Variants in ZNF121 observed in about 807,000 individuals in gnomAD.
ZNF121 encodes zinc finger protein 121 (clone ZHC32).
A neutral mutation model predicts 2.4 loss-of-function variants in ZNF121; 1 was observed. That is an observed-to-expected ratio of 0.41 (90% CI 0.15 to 1.94). ZNF121 has a LOEUF of 1.94. Among genes scored for constraint, ZNF121 ranks in the 30% most tolerant of loss-of-function variants. The probability of loss-of-function intolerance (pLI) is 0.30; values close to 1 mark genes in which losing one functional copy is unlikely to be tolerated. For synonymous variants in ZNF121, 173 were observed against 158.6 expected (o/e 1.09, Z -0.68); for missense variants, 369 against 466.3 (o/e 0.79, Z 1.92).
At chr19:9,567,862 G>T in intron 3 of ZNF121, 1 of 413,980 alleles carries the variant, frequency 2.4e-6, no homozygotes, top group South Asian at 4.3e-5. Flanking sequence ...TACAAGCGAT[G>T]GGGAATGGCT....
Position 9,566,049 on chromosome 19 carries a change from A to G in ZNF121, c.1064T>C (p.Leu355Pro), listed in dbSNP as rs1451965977. The change falls in exon 4 of 4, where the codon CTA becomes CCA. Residue 355 changes from leucine to proline, a missense_variant. By Grantham distance (98) the Leu-to-Pro change is moderately conservative (BLOSUM62 -3). Around this residue, in one of 4 missense-constraint regions of ZNF121, gnomAD observed 127 missense variants for 169.9 expected, o/e 0.75. Transcript: ENST00000320451. ...CGKTFRASSH[L>P]QKHVRIHTGE... ...AGTGTGAATTCTAACATGTTTCTGT[A>G]GATGTGAAGAAGCACGGAAGGTTTT... 2 of 1,613,846 alleles carry G rather than the reference A, an allele frequency of 1.2e-6. No individual in the cohort carries two copies. Among genetic ancestry groups the G allele is most frequent in the East Asian group, 2.2e-5 (1 of 44,840 alleles).
intron 1 of ZNF121, among the ~76,000 whole-genome samples, chr19:9,570,237 C>T (rs1320234577): frequency 6.6e-6 from 1 of 152,074 alleles, no homozygotes; most frequent in African/African-American, 2.4e-5. Context: ...TTCTTTAGGA[C>T]ACCCCTGAAA....
intron 1 of ZNF121, among the ~76,000 whole-genome samples, chr19:9,573,359 T>C (rs1011264784): frequency 1.3e-5 from 2 of 152,098 alleles, no homozygotes; most frequent in Non-Finnish European, 2.9e-5. Context: ...AACTGAGAAA[T>C]ACTCAACTCA....
rs2074117726 is a variant in ZNF121 at position 9,564,517 on chromosome 19, G to C, written c.*1423C>G. The C allele has an allele frequency of 6.6e-6, 1 of 152,188 alleles. No individual in the cohort carries two copies. Among genetic ancestry groups the C allele is most frequent in the Non-Finnish European group, 1.5e-5 (1 of 68,052 alleles). 9.4% of individuals were successfully genotyped at this position (152,188 alleles called of 1,614,324 possible). ...GTAACTGTGGATGTGATGGAAAAAA[G>C]AGAACTAGAATTAGAAGTGGAGCCT... On this transcript the variant is annotated 3_prime_UTR_variant, in exon 4 of 4. Transcript: ENST00000320451.
intron 1 of ZNF121, among the ~76,000 whole-genome samples, chr19:9,571,567 GTTAC>G (rs1260842155): frequency 6.6e-6 from 1 of 151,914 alleles, no homozygotes; most frequent in Non-Finnish European, 1.5e-5. Flanking sequence ...ACAAGACTTG[GTTAC>G]CTTTCACCTG....
Position 9,575,756 on chromosome 19 carries a change from AAAG to A in ZNF121, c.-159-6677_-159-6675del, listed in dbSNP as rs561554622. On this transcript the variant is annotated intron_variant, in intron 1 of 3. Transcript: ENST00000320451. ...AGACTCTGTCTCAAAAATAAAAAAA[AAAG>A]AAGGTCACTATATAATGATAAAGGG... Among the ~76,000 whole-genome samples the A allele has an allele frequency of 5.8e-3, 888 of 152,294 alleles. 9 individuals carry two copies. Among genetic ancestry groups the A allele is most frequent in the African/African-American group, 0.021 (857 of 41,556 alleles).
chr19:9,574,471 A>G (rs2074196716), intron 1 of ZNF121, among the ~76,000 whole-genome samples: 1 of 151,982 alleles, frequency 6.6e-6, no homozygotes, highest in African/African-American at 2.4e-5. Context: ...GGCCATTTTT[A>G]CACTTTCTGC....
rs747059134 is a variant in ZNF121, at chr19:9,567,083, G to A, written c.30C>T (p.Leu10=). 4 of 1,613,130 alleles carry A rather than the reference G, an allele frequency of 2.5e-6. No homozygotes were observed. The Admixed American group carries it at 5.0e-5, about 20-fold the overall frequency. ...TTTCTCCATTTTCCATAAAGTCACA[G>A]AGTTCCCCTCCATTGTGGATTTCTG... The part of the protein sequence containing the change: MAEIHNGGE[L]CDFMENGEIF... Residue 10 remains leucine (L), a synonymous_variant, in exon 4 of 4, where the codon CTC becomes CTT. Coordinates refer to ENST00000320451, the MANE Select transcript of ZNF121 (RefSeq NM_001008727.5).
rs940943775 is a variant in ZNF121, at chr19:9,560,566, CAT to C, written c.*5372_*5373del. ...CTTCTGAGTTTGACGTTAGATACCC[CAT>C]ATAAGTGGAAATGGGTGTATTTGTC... On this transcript the variant is annotated 3_prime_UTR_variant, in exon 4 of 4. Coordinates refer to ENST00000320451, the MANE Select transcript of ZNF121 (RefSeq NM_001008727.5). The C allele has an allele frequency of 3.3e-5, 5 of 152,204 alleles. No individual in the cohort carries two copies. Among genetic ancestry groups the C allele is most frequent in the African/African-American group, 1.2e-4 (5 of 41,430 alleles). 9.4% of individuals were successfully genotyped at this position (152,204 alleles called of 1,614,324 possible). A position where few individuals can be genotyped will look rare whatever the true frequency, so the allele number is the denominator to read the frequency against.
At chr19:9,577,566 G>T (rs2074219915) in intron 1 of ZNF121, among the ~76,000 whole-genome samples, 1 of 151,916 alleles carries the variant, frequency 6.6e-6, no homozygotes, top group South Asian at 2.1e-4. Context: ...AAAAAAAATG[G>T]GAAGATATTC....
chr19:9,571,624 T>C (rs753475232), intron 1 of ZNF121, among the ~76,000 whole-genome samples: 39 of 152,216 alleles, frequency 2.6e-4, no homozygotes, highest in Non-Finnish European at 5.3e-4. Context: ...CCCTAGAATG[T>C]GTCAGTTCTC....
chr19:9,572,468 C>T (rs528161083), intron 1 of ZNF121, among the ~76,000 whole-genome samples: 1 of 152,282 alleles, frequency 6.6e-6, no homozygotes, highest in East Asian at 1.9e-4. Context: ...CTGAGGACAT[C>T]CAGGGACAAA....
intron 1 of ZNF121, among the ~76,000 whole-genome samples, chr19:9,579,682 G>A (rs2074235591): frequency 6.6e-6 from 1 of 152,098 alleles, no homozygotes; most frequent in South Asian, 2.1e-4. Context: ...AAAAAGAGAG[G>A]TTGATTCATG....
rs2074257263 is a variant in ZNF121, at chr19:9,582,862, TAATAAATTCAA to T, written c.-160+1588_-160+1598del. Among the ~76,000 whole-genome samples the T allele has an allele frequency of 6.0e-5, 8 of 133,630 alleles. No homozygotes were observed. The South Asian group carries it at 1.9e-3, about 32-fold the overall frequency. 87.7% of individuals were successfully genotyped at this position (133,630 alleles called of 152,430 possible). A position where few individuals can be genotyped will look rare whatever the true frequency, so the allele number is the denominator to read the frequency against. ...ACTACACTTAGTCTAAACATGCTGTTAATAAATTCAATAGATACTACTTTATTACACTAATA... is the reference window on the plus strand; with the variant it reads ...ACTACACTTAGTCTAAACATGCTGTTTAGATACTACTTTATTACACTAATA... On this transcript the variant is annotated intron_variant, in intron 1 of 3. Transcript: ENST00000320451.
intron 1 of ZNF121, among the ~76,000 whole-genome samples, chr19:9,578,952 A>G (rs1447265629): frequency 6.6e-6 from 1 of 151,748 alleles, no homozygotes; most frequent in Non-Finnish European, 1.5e-5. Flanking sequence ...ATTAGTAATC[A>G]AAATATATAA....
rs2074257411 is a variant in ZNF121, at chr19:9,582,877, A to ACTAC, written c.-160+1583_-160+1584insGTAG. Among the ~76,000 whole-genome samples the ACTAC allele has an allele frequency of 5.3e-5, 8 of 152,268 alleles. No individual in the cohort carries two copies. In the South Asian group the frequency reaches 1.7e-3, roughly 32 times the overall value. On this transcript the variant is annotated intron_variant, in intron 1 of 3. Transcript: ENST00000320451. The stretch of plus-strand genomic sequence containing the variant: ...AACATGCTGTTAATAAATTCAATAG[A>ACTAC]TACTACTTTATTACACTAATACTAG...
Position 9,562,498 on chromosome 19 carries a change from T to C in ZNF121, c.*3442A>G, listed in dbSNP as rs943361022. ...TCTTTGATGTTCCTATTTTAATTGT[T>C]TTGGGGTACCACAAACCACAACCTT... On this transcript the variant is annotated 3_prime_UTR_variant, in exon 4 of 4. Transcript: ENST00000320451. 26 of 201,706 alleles carry C rather than the reference T, an allele frequency of 1.3e-4. No individual in the cohort carries two copies. Among genetic ancestry groups the C allele is most frequent in the Admixed American group, 1.2e-3 (24 of 19,970 alleles). 12.5% of individuals were successfully genotyped at this position (201,706 alleles called of 1,614,324 possible). A position where few individuals can be genotyped will look rare whatever the true frequency, so the allele number is the denominator to read the frequency against.
intron 3 of ZNF121, chr19:9,567,680 G>A: frequency 2.9e-6 from 1 of 347,762 alleles, no homozygotes; most frequent in South Asian, 2.6e-5. Context: ...GCCTGAGCTT[G>A]TTTTCCTGCA....
Position 9,562,568 on chromosome 19 carries a change from C to G in ZNF121, c.*3372G>C, listed in dbSNP as rs2074106669. 1.3e-5 allele frequency: 2 copies of G among 148,158 alleles called. No individual in the cohort carries two copies. The highest frequency in any genetic ancestry group is 7.1e-5 in the Admixed American group (1 of 14,082). The allele number at this position is 148,158 out of a possible 1,614,324, so 9.2% of individuals were successfully genotyped here. ...AAATGCTATGTTCTCACTGCTCCAC[C>G]AACTGGCCACTCTCCCCTCTCTCCT... On this transcript the variant is annotated 3_prime_UTR_variant, in exon 4 of 4. Transcript: ENST00000320451.
Sources: gnomAD v4.1 joint callset for allele counts (sites outside exome capture counted in the v4.1 genomes callset) on GRCh38, gnomAD v4.1.1 for gene constraint, gnomAD v4.1.1 regional missense constraint, MANE v1.5 for transcripts, NCBI Gene and HGNC (gene_info 2026-07-23, HGNC 2026-07-21) for gene names.